The following CNTN4 variants were observed in gnomAD, a reference collection of about 807,000 sequenced individuals.
CNTN4 encodes contactin 4.
In CNTN4, 77 loss-of-function variants were observed where a neutral mutation model predicts 122.5. That is an observed-to-expected ratio of 0.63 (90% CI 0.52 to 0.76). The LOEUF (loss-of-function observed/expected upper bound fraction) is 0.76. Among genes scored for constraint, CNTN4 ranks in the 30% least tolerant of loss-of-function variants. The probability of loss-of-function intolerance (pLI) is 0.00; values close to 1 mark genes in which losing one functional copy is unlikely to be tolerated. For synonymous variants in CNTN4, 512 were observed against 447.0 expected, an observed-to-expected ratio of 1.15 and a Z score of -1.83; for missense variants, 1,256 against 1,259.1, an observed-to-expected ratio of 1.00 and a Z score of 0.04.
chr3:2,919,491 A>G (rs1227746560), intron 12 of CNTN4, among the ~76,000 whole-genome samples: 4 of 152,182 alleles, frequency 2.6e-5, no homozygotes, highest in South Asian at 2.1e-4. Context: ...TCCAGGATAC[A>G]TATTCTTGCC....
chr3:2,658,349 G>A (rs2083696356), intron 4 of CNTN4, among the ~76,000 whole-genome samples: 1 of 151,948 alleles, frequency 6.6e-6, no homozygotes, highest in Admixed American at 6.6e-5. Context: ...CCGTCTGTGA[G>A]CCTAAATTTT....
At chr3:2,562,991 G>A (rs780397240) in intron 3 of CNTN4, among the ~76,000 whole-genome samples, 1 of 152,092 alleles carries the variant, frequency 6.6e-6, no homozygotes, top group African/African-American at 2.4e-5. Flanking sequence ...GCTTCCCAAA[G>A]TGCTGGGATT....
intron 20 of CNTN4, chr3:3,041,031 C>T (rs1276301251): frequency 1.3e-5 from 2 of 152,290 alleles, no homozygotes; most frequent in South Asian, 2.1e-4. Flanking sequence ...ACATTTCTCA[C>T]ACATTATTAT....
chr3:2,736,754 C>A (rs986750558), intron 5 of CNTN4, among the ~76,000 whole-genome samples: 1 of 151,620 alleles, frequency 6.6e-6, no homozygotes, highest in South Asian at 2.1e-4. Context: ...TGAGCCACCA[C>A]ACCCGGACCA....
chr3:2,200,892 T>C (rs1411203000), intron 2 of CNTN4, among the ~76,000 whole-genome samples: 1 of 152,164 alleles, frequency 6.6e-6, no homozygotes, highest in African/African-American at 2.4e-5. Flanking sequence ...TTTTTTTGAC[T>C]CCACTACAGC....
At chr3:2,656,571 G>A (rs1287226900) in intron 4 of CNTN4, among the ~76,000 whole-genome samples, 1 of 152,208 alleles carries the variant, frequency 6.6e-6, no homozygotes, top group Non-Finnish European at 1.5e-5. Flanking sequence ...GCATAATGCG[G>A]ACTAACTTAA....
intron 4 of CNTN4, among the ~76,000 whole-genome samples, chr3:2,690,955 G>T (rs1478403266): frequency 1.3e-5 from 2 of 152,126 alleles, no homozygotes; most frequent in Non-Finnish European, 2.9e-5. Context: ...GCCCTTTACA[G>T]AAAGAGCCCG....
chr3:2,286,983 T>G (rs2041924271), intron 2 of CNTN4, among the ~76,000 whole-genome samples: 1 of 152,196 alleles, frequency 6.6e-6, no homozygotes, highest in South Asian at 2.1e-4. Context: ...GTATGAAGAA[T>G]CTAAACAGTT....
At chr3:2,850,380 G>A (rs2093529550) in intron 7 of CNTN4, among the ~76,000 whole-genome samples, 1 of 152,146 alleles carries the variant, frequency 6.6e-6, no homozygotes, top group Non-Finnish European at 1.5e-5. Context: ...TCTTTCCAAG[G>A]ATAGACTCTT....
intron 2 of CNTN4, among the ~76,000 whole-genome samples, chr3:2,125,095 A>T (rs1574884913): frequency 1.3e-5 from 2 of 152,032 alleles, no homozygotes; most frequent in Non-Finnish European, 2.9e-5. Flanking sequence ...TACCCTTTGT[A>T]CCCTTGAACA....
intron 2 of CNTN4, among the ~76,000 whole-genome samples, chr3:2,164,856 A>C (rs1384643053): frequency 1.3e-5 from 2 of 152,196 alleles, no homozygotes; most frequent in Non-Finnish European, 2.9e-5. Flanking sequence ...GTACTGTTTA[A>C]AAAAAACAAA....
At chr3:2,889,489 A>T (rs1409966327) in intron 10 of CNTN4, among the ~76,000 whole-genome samples, 4 of 152,198 alleles carry the variant, frequency 2.6e-5, no homozygotes, top group African/African-American at 9.6e-5. Flanking sequence ...CTGCAAAATC[A>T]TGAGACTGTA....
In CNTN4 at chr3:2,675,658, A is replaced by G. The variant is rs113710927; in HGVS notation, c.56-60557A>G. Among the ~76,000 whole-genome samples, 1,438 of 152,322 alleles carry G rather than the reference A, an allele frequency of 9.4e-3. 25 individuals carry two copies. Among genetic ancestry groups the G allele is most frequent in the African/African-American group, 0.033 (1,362 of 41,568 alleles). ...CACATAGTACATGCTTAGTAAGTAC[A>G]CATTGAATGGGAGGAAATAGCTGTT... On this transcript the variant is annotated intron_variant, in intron 4 of 24. Transcript: ENST00000418658.
At chr3:2,577,161 C>T (rs1434043480) in intron 4 of CNTN4, among the ~76,000 whole-genome samples, 1 of 152,152 alleles carries the variant, frequency 6.6e-6, no homozygotes, top group Non-Finnish European at 1.5e-5. Flanking sequence ...TTGGTATCAC[C>T]TCCTAAATAA....
intron 13 of CNTN4, among the ~76,000 whole-genome samples, chr3:2,945,865 A>G (rs537228001): frequency 1.3e-5 from 2 of 152,306 alleles, no homozygotes; most frequent in South Asian, 4.2e-4. Flanking sequence ...AACCCATTAT[A>G]TATACATCAC....
intron 4 of CNTN4, among the ~76,000 whole-genome samples, chr3:2,609,978 C>T (rs1240595313): frequency 6.6e-6 from 1 of 152,016 alleles, no homozygotes; most frequent in African/African-American, 2.4e-5. Context: ...ATCTTTGTCC[C>T]TTTGAGGTTA....
chr3:2,275,746 C>A lies in CNTN4; in HGVS notation c.-144-63432C>A, dbSNP rs139847912. Reference sequence around the variant, plus strand: ...ACCAGCCTGGCCAACATGATGAAACCCCGTTTCTACTGAAAATACAAAAAT... The same window carrying A: ...ACCAGCCTGGCCAACATGATGAAACACCGTTTCTACTGAAAATACAAAAAT... On this transcript the variant is annotated intron_variant, in intron 2 of 24. Coordinates refer to ENST00000418658, the MANE Select transcript of CNTN4 (RefSeq NM_175607.3). Among the ~76,000 whole-genome samples the A allele has an allele frequency of 7.8e-3, 1,176 of 151,658 alleles. 20 individuals carry two copies. Among genetic ancestry groups the A allele is most frequent in the African/African-American group, 0.027 (1,101 of 41,378 alleles).
At chr3:2,446,806 G>T (rs959243561) in intron 3 of CNTN4, among the ~76,000 whole-genome samples, 3 of 152,108 alleles carry the variant, frequency 2.0e-5, no homozygotes, top group African/African-American at 4.8e-5. Context: ...ATGTCCTGAG[G>T]GACTAAGGCA....
At chr3:2,746,222 C>T (rs2089764193) in intron 6 of CNTN4, among the ~76,000 whole-genome samples, 2 of 152,068 alleles carry the variant, frequency 1.3e-5, no homozygotes, top group South Asian at 4.1e-4. Flanking sequence ...ACTCAGTAGT[C>T]AATTAATCCT....
Sources: gnomAD v4.1 joint callset for allele counts (sites outside exome capture counted in the v4.1 genomes callset) on GRCh38, gnomAD v4.1.1 for gene constraint, MANE v1.5 for transcripts, NCBI Gene and HGNC (gene_info 2026-07-23, HGNC 2026-07-21) for gene names.